The following LOXL2 variants were observed in gnomAD, a reference collection of about 807,000 sequenced individuals.
The protein encoded by LOXL2 is lysyl oxidase like 2, also known as lysyl oxidase homolog 2.
In LOXL2, 70 loss-of-function variants were observed where a neutral mutation model predicts 93.0. The ratio of observed to expected loss-of-function variants is 0.75; its 90% CI spans 0.62 to 0.92. LOXL2 has a LOEUF of 0.92. LOXL2 is among the 40% of genes least tolerant of loss of function. The pLI, the probability that LOXL2 is intolerant of heterozygous loss-of-function variation, is 0.00. For synonymous variants in LOXL2, 438 were observed against 413.2 expected (o/e 1.06, Z -0.73); for missense variants, 973 against 1,054.9 (o/e 0.92, Z 1.08).
intron 3 of LOXL2, among the ~76,000 whole-genome samples, chr8:23,346,160 A>AT (rs1803978340): frequency 9.7e-6 from 1 of 103,178 alleles, no homozygotes; most frequent in Non-Finnish European, 2.0e-5. Context: ...ATAAAATAAA[A>AT]AATAAAATAA....
chr8:23,324,669 C>T (rs1156419702), intron 6 of LOXL2, among the ~76,000 whole-genome samples: 1 of 152,202 alleles, frequency 6.6e-6, no homozygotes, highest in African/African-American at 2.4e-5. Context: ...TCTCCACATA[C>T]AAACCCTGGC....
chr8:23,333,966 T>C (rs1803748460), intron 4 of LOXL2, among the ~76,000 whole-genome samples: 1 of 152,212 alleles, frequency 6.6e-6, no homozygotes, highest in South Asian at 2.1e-4. Flanking sequence ...GTGAGATCCC[T>C]GGTCCTAGAA....
chr8:23,357,724 T>C (rs1206528595), intron 3 of LOXL2, among the ~76,000 whole-genome samples: 1 of 152,132 alleles, frequency 6.6e-6, no homozygotes, highest in East Asian at 1.9e-4. Flanking sequence ...ACACTCCAAG[T>C]AGATTATCCT....
intron 3 of LOXL2, among the ~76,000 whole-genome samples, chr8:23,348,545 G>A (rs1240007844): frequency 6.6e-6 from 1 of 152,136 alleles, no homozygotes; most frequent in African/African-American, 2.4e-5. Flanking sequence ...TCCAGCCTGG[G>A]TGACAGAGCG....
intron 9 of LOXL2, 99 bp from the exon 10 acceptor site, chr8:23,310,010 C>A: frequency 7.6e-7 from 1 of 1,307,892 alleles, no homozygotes; most frequent in East Asian, 2.8e-5. Flanking sequence ...TCCTGCCTAC[C>A]GCCACCTTCT....
intron 1 of LOXL2, among the ~76,000 whole-genome samples, chr8:23,379,181 T>C (rs1804636312): frequency 1.3e-5 from 2 of 152,240 alleles, no homozygotes; most frequent in African/African-American, 2.4e-5. Flanking sequence ...GCAGGTCTGT[T>C]GGAGTTTGCT....
chr8:23,370,236 C>T (rs376989788), intron 1 of LOXL2, among the ~76,000 whole-genome samples: 4 of 152,166 alleles, frequency 2.6e-5, no homozygotes, highest in South Asian at 4.1e-4. Flanking sequence ...CCTAGAACAA[C>T]GCGCCTCCAT....
chr8:23,361,869 A>AAC (rs56832577), intron 2 of LOXL2, among the ~76,000 whole-genome samples: 30,445 of 123,160 alleles, frequency 0.25, 4,190 homozygotes, highest in African/African-American at 0.43. Context: ...CAAAACAAAC[A>AAC]AAAAAAACAG....
At chr8:23,343,400 C>A (rs1803918391) in intron 3 of LOXL2, among the ~76,000 whole-genome samples, 1 of 152,194 alleles carries the variant, frequency 6.6e-6, no homozygotes, top group African/African-American at 2.4e-5. Flanking sequence ...TAGGGCCACC[C>A]CGAGGTGCAG....
rs200187619 is a variant in LOXL2, at chr8:23,302,174, G to T, written c.1997-11C>A. 72 of 1,613,804 alleles carry T rather than the reference G, an allele frequency of 4.5e-5. No individual in the cohort carries two copies. The highest frequency in any genetic ancestry group is 9.9e-5 in the South Asian group (9 of 91,070). On this transcript the variant is annotated splice_polypyrimidine_tract_variant and intron_variant, in intron 11 of 13. Transcript: ENST00000389131. ...AATTCTTCTGGATGTCTGCGGGCAGGGTAGAGGAGAGCTCATCACCAGGGA... is the reference window on the plus strand; with the variant it reads ...AATTCTTCTGGATGTCTGCGGGCAGTGTAGAGGAGAGCTCATCACCAGGGA...
intron 3 of LOXL2, among the ~76,000 whole-genome samples, chr8:23,345,859 G>A (rs1257775440): frequency 1.3e-5 from 2 of 152,008 alleles, no homozygotes; most frequent in Non-Finnish European, 2.9e-5. Context: ...ACGAGGTCAG[G>A]AGATTGGGAC....
At chr8:23,318,401 A>G (rs1023554404) in intron 8 of LOXL2, among the ~76,000 whole-genome samples, 14 of 150,706 alleles carry the variant, frequency 9.3e-5, no homozygotes, top group African/African-American at 3.4e-4. Context: ...ATAAACACAC[A>G]TTCATACATC....
chr8:23,372,997 C>A (rs1804523070), intron 1 of LOXL2, among the ~76,000 whole-genome samples: 1 of 152,168 alleles, frequency 6.6e-6, no homozygotes, highest in Admixed American at 6.5e-5. Context: ...TATTAAGATA[C>A]AATGATATTA....
intron 3 of LOXL2, among the ~76,000 whole-genome samples, chr8:23,347,727 G>A (rs1460193437): frequency 1.3e-5 from 2 of 152,060 alleles, no homozygotes; most frequent in Non-Finnish European, 2.9e-5. Context: ...CTCGTGCTTT[G>A]AGAAACTGAA....
rs138030577 is a variant in LOXL2, at chr8:23,335,710, C to T, written c.744-2087G>A. 2.9e-3 allele frequency among the ~76,000 whole-genome samples: 444 copies of T among 152,260 alleles called. 3 individuals carry two copies. The highest frequency in any genetic ancestry group is 0.01 in the African/African-American group (425 of 41,556). On this transcript the variant is annotated intron_variant, in intron 4 of 13. Coordinates refer to ENST00000389131, the MANE Select transcript of LOXL2 (RefSeq NM_002318.3). ...CCAGAAGGAGCCAGCAGAGGGTACT[C>T]GCTGGGCAGGCTGACCCCAAGACAG...
At chr8:23,374,865 A>G (rs1209297539) in intron 1 of LOXL2, among the ~76,000 whole-genome samples, 6 of 152,148 alleles carry the variant, frequency 3.9e-5, no homozygotes, top group African/African-American at 9.7e-5. Flanking sequence ...AGATGAGTAG[A>G]TTGCAAAAAT....
At chr8:23,346,587 C>T (rs535472335) in intron 3 of LOXL2, among the ~76,000 whole-genome samples, 1 of 152,308 alleles carries the variant, frequency 6.6e-6, no homozygotes, top group African/African-American at 2.4e-5. Context: ...TTGCAAATTC[C>T]AGAATGCGAT....
intron 1 of LOXL2, among the ~76,000 whole-genome samples, chr8:23,371,528 G>A (rs903019146): frequency 3.3e-5 from 5 of 151,802 alleles, no homozygotes; most frequent in African/African-American, 7.3e-5. Context: ...TGAGGCGGGC[G>A]GATCACAAGG....
intron 6 of LOXL2, among the ~76,000 whole-genome samples, chr8:23,324,250 A>T (rs2117162178): frequency 6.6e-6 from 1 of 152,316 alleles, no homozygotes; most frequent in Admixed American, 6.5e-5. Flanking sequence ...TGGCTGTCTC[A>T]GCCATCTGGG....
Sources: allele counts gnomAD v4.1 joint callset (sites outside exome capture counted in the v4.1 genomes callset), GRCh38; gene constraint gnomAD v4.1.1; transcripts MANE v1.5; gene names NCBI Gene and HGNC (gene_info 2026-07-23, HGNC 2026-07-21).